RREB1: variants seen among roughly 807,000 people sequenced by gnomAD.
RREB1 encodes ras responsive element binding protein 1, also known as ras-responsive element-binding protein 1.
RREB1 carries 27 observed loss-of-function variants against 117.8 expected under a neutral mutation model. The observed-to-expected ratio is 0.23, with a 90% CI of 0.17 to 0.32. The LOEUF is 0.32. Among genes scored for constraint, RREB1 ranks in the 10% least tolerant of loss-of-function variants. The pLI, the probability that RREB1 is intolerant of heterozygous loss-of-function variation, is 1.00. For missense variants in RREB1, 2,577 were observed against 2,378.2 expected (o/e 1.08, Z -1.74); for synonymous variants, 1,298 against 1,026.7 (o/e 1.26, Z -5.05).
chr6:7,109,119 A>G (rs946596169), intron 1 of RREB1, among the ~76,000 whole-genome samples: 1 of 151,182 alleles, frequency 6.6e-6, no homozygotes, highest in Non-Finnish European at 1.5e-5. Context: ...TCCGCCGCCC[A>G]GCTGTGGAGC....
intron 2 of RREB1, among the ~76,000 whole-genome samples, chr6:7,179,578 T>A (rs1764682742): frequency 1.3e-5 from 2 of 152,144 alleles, no homozygotes; most frequent in South Asian, 4.1e-4. Context: ...AGGAGGTGAG[T>A]TCAGTATTGA....
At chr6:7,160,286 A>G (rs971112340) in intron 1 of RREB1, among the ~76,000 whole-genome samples, 2 of 152,098 alleles carry the variant, frequency 1.3e-5, no homozygotes, top group Non-Finnish European at 2.9e-5. Flanking sequence ...TGGCGTCACG[A>G]ATAGTTGGGT....
At chr6:7,170,935 C>G (rs965422446) in intron 1 of RREB1, among the ~76,000 whole-genome samples, 4 of 152,142 alleles carry the variant, frequency 2.6e-5, no homozygotes, top group Non-Finnish European at 5.9e-5. Context: ...GCTGTGCCAG[C>G]CCCCAGAGGG....
intron 8 of RREB1, chr6:7,217,785 A>G (rs1766991366): frequency 6.6e-6 from 1 of 152,176 alleles, no homozygotes; most frequent in Admixed American, 6.5e-5. Context: ...AAATTTTTAG[A>G]TATTTTAAAC....
intron 11 of RREB1, among the ~76,000 whole-genome samples, chr6:7,245,844 C>T (rs956588802): frequency 6.6e-6 from 1 of 152,204 alleles, no homozygotes; most frequent in East Asian, 1.9e-4. Context: ...CTTGCCTGCG[C>T]CCCCTTGGGT....
rs745873968 is a variant in RREB1 at position 7,231,620 on chromosome 6, C to T, written c.3521C>T (p.Ser1174Phe). ...AACAGCGGCGGGGTGGACCTGGACT[C>T]CAGCGGGGAGTTTGCCAGCATCGAG... Reference protein sequence around the residue: ...RANSGGVDLDSSGEFASIEKM... With the variant: ...RANSGGVDLDFSGEFASIEKM... The change falls in exon 10 of 13, where the codon TCC becomes TTC. Residue 1174 changes from serine (S) to phenylalanine (F), a missense_variant. Transcript: ENST00000379938. 7.4e-6 allele frequency: 12 copies of T among 1,611,968 alleles called. No homozygotes were observed. The South Asian group carries it at 1.3e-4, about 18-fold the overall frequency.
intron 10 of RREB1, among the ~76,000 whole-genome samples, chr6:7,237,252 A>AT (rs746780192): frequency 1.3e-5 from 2 of 151,942 alleles, no homozygotes; most frequent in East Asian, 3.9e-4. Flanking sequence ...CACCCAACTA[A>AT]TTTTTTGTAT....
rs191072532 is a variant in RREB1, at chr6:7,169,959, A to G, written c.-284-6696A>G. ...CAATGTGTGCCTCCCTGCTGAAGTTATATTTAATGTAATAATTTAAATGTC... is the reference window on the plus strand; with the variant it reads ...CAATGTGTGCCTCCCTGCTGAAGTTGTATTTAATGTAATAATTTAAATGTC... On this transcript the variant is annotated intron_variant, in intron 1 of 12. Transcript: ENST00000379938. Among the ~76,000 whole-genome samples the G allele has an allele frequency of 5.3e-5, 8 of 152,296 alleles. No individual in the cohort carries two copies. In the East Asian group the frequency reaches 1.5e-3, roughly 29 times the overall value.
chr6:7,238,805 CTTTA>C (rs1176668657), intron 10 of RREB1, among the ~76,000 whole-genome samples: 2 of 152,128 alleles, frequency 1.3e-5, no homozygotes, highest in African/African-American at 4.8e-5. Flanking sequence ...ATTGTTGCAT[CTTTA>C]TTCTTAAAAG....
At chr6:7,201,884 T>C (rs968700304) in intron 6 of RREB1, among the ~76,000 whole-genome samples, 1 of 152,088 alleles carries the variant, frequency 6.6e-6, no homozygotes, top group Non-Finnish European at 1.5e-5. Flanking sequence ...CAGTTTCTGT[T>C]GGTAGATGGT....
chr6:7,177,924 T>C (rs1764590291), intron 2 of RREB1, among the ~76,000 whole-genome samples: 1 of 152,198 alleles, frequency 6.6e-6, no homozygotes, highest in African/African-American at 2.4e-5. Context: ...GGTTTTGCCA[T>C]GTTAGCCAGG....
intron 11 of RREB1, among the ~76,000 whole-genome samples, 195 bp from the exon 12 acceptor site, chr6:7,246,229 T>C (rs1769008110): frequency 6.6e-6 from 1 of 152,290 alleles, no homozygotes; most frequent in South Asian, 2.1e-4. Context: ...TGCTTTTGCC[T>C]TTCTTCACGT....
At chr6:7,208,329 A>C (rs920278146) in intron 6 of RREB1, among the ~76,000 whole-genome samples, 2 of 152,206 alleles carry the variant, frequency 1.3e-5, no homozygotes, top group East Asian at 3.9e-4. Context: ...AGGCTAGGGA[A>C]GCAGAGCAGG....
chr6:7,188,192 T>C (rs1042090115), intron 5 of RREB1, among the ~76,000 whole-genome samples: 1 of 150,772 alleles, frequency 6.6e-6, no homozygotes, highest in East Asian at 1.9e-4. Context: ...TCAAAATAAA[T>C]AAATAAAATA....
intron 1 of RREB1, among the ~76,000 whole-genome samples, chr6:7,117,981 A>T (rs1434029732): frequency 6.6e-6 from 1 of 152,208 alleles, no homozygotes; most frequent in Non-Finnish European, 1.5e-5. Context: ...AAAATATATT[A>T]CTATAAATAT....
intron 1 of RREB1, among the ~76,000 whole-genome samples, chr6:7,122,418 G>A (rs1204954483): frequency 2.0e-5 from 3 of 152,180 alleles, no homozygotes; most frequent in Non-Finnish European, 2.9e-5. Context: ...GGCGGGCACC[G>A]CCATGCCTGG....
At chr6:7,232,693 G>C (rs1353610866) in intron 10 of RREB1, among the ~76,000 whole-genome samples, 2 of 150,504 alleles carry the variant, frequency 1.3e-5, no homozygotes, top group Non-Finnish European at 3.0e-5. Flanking sequence ...ACCCAAGTGT[G>C]AAAAAATTCT....
At chr6:7,141,537 T>C (rs1762590158) in intron 1 of RREB1, among the ~76,000 whole-genome samples, 1 of 152,222 alleles carries the variant, frequency 6.6e-6, no homozygotes, top group Non-Finnish European at 1.5e-5. Flanking sequence ...TTCACAAGAT[T>C]TGCATAGACA....
At chr6:7,209,909 C>T in intron 6 of RREB1, among the ~76,000 whole-genome samples, 1 of 152,200 alleles carries the variant, frequency 6.6e-6, no homozygotes, top group East Asian at 1.9e-4. Context: ...ACAGTTCAAC[C>T]ACGGCTACGT....
Sources: allele counts gnomAD v4.1 joint callset (sites outside exome capture counted in the v4.1 genomes callset), GRCh38; gene constraint gnomAD v4.1.1; transcripts MANE v1.5; gene names NCBI Gene and HGNC (gene_info 2026-07-23, HGNC 2026-07-21).